Variants in KCNG3 observed in about 807,000 individuals in gnomAD.
KCNG3 encodes the protein potassium voltage-gated channel modifier subfamily G member 3.
In KCNG3, 15 loss-of-function variants were observed where a neutral mutation model predicts 29.0. That is an observed-to-expected ratio of 0.52 (90% CI 0.35 to 0.80). The LOEUF (loss-of-function observed/expected upper bound fraction) is 0.80. Among genes scored for constraint, KCNG3 ranks in the 30% least tolerant of loss-of-function variants. The pLI is 0.01. For missense variants in KCNG3, 512 were observed against 605.7 expected (o/e 0.85, Z 1.62); for synonymous variants, 322 against 248.9 (o/e 1.29, Z -2.76).
the KCNG3 span, among the ~76,000 whole-genome samples, chr2:42,391,632 TC>T: frequency 7.7e-6 from 1 of 129,282 alleles, no homozygotes; most frequent in East Asian, 2.4e-4. Context: ...AGACGGAGTC[TC>T]GCTCTGTCGC....
chr2:42,485,491 C>T (rs1340262888), intron 1 of KCNG3, among the ~76,000 whole-genome samples: 1 of 151,778 alleles, frequency 6.6e-6, no homozygotes, highest in Non-Finnish European at 1.5e-5. Context: ...GTCACCCAGG[C>T]TGGAGTGCAG....
In KCNG3 at chr2:42,493,185, G is replaced by A; in HGVS notation, c.317C>T (p.Ala106Val). 2 of 1,609,492 alleles carry A rather than the reference G, an allele frequency of 1.2e-6. No homozygotes were observed. The highest frequency in any genetic ancestry group is 2.2e-5 in the East Asian group (1 of 44,830). The stretch of plus-strand genomic sequence containing the variant: ...GCGCTGGCAGCAGTACTCGAGGTGC[G>A]CGCCCTCCAGGCCCCAGTAGATCAT... The part of the protein sequence containing the change: ...NEMIYWGLEG[A>V]HLEYCCQRRL... Residue 106 changes from alanine to valine, a missense_variant, in exon 1 of 2, where the codon GCG becomes GTG. Physicochemically the swap from Ala to Val is moderately conservative, Grantham distance 64. Around this residue, in one of 5 missense-constraint regions of KCNG3, gnomAD observed 228 missense variants for 200.0 expected, o/e 1.14. Coordinates refer to ENST00000306078, the MANE Select transcript of KCNG3 (RefSeq NM_133329.6).
chr2:42,431,732 T>C, the KCNG3 span, among the ~76,000 whole-genome samples: 1,634 of 152,260 alleles, frequency 0.011, 41 homozygotes, highest in African/African-American at 0.037. Context: ...TGATGATGAA[T>C]TACATTAAAA....
At chr2:42,455,330 G>A (rs1431432464) in intron 1 of KCNG3, among the ~76,000 whole-genome samples, 1 of 152,152 alleles carries the variant, frequency 6.6e-6, no homozygotes, top group Non-Finnish European at 1.5e-5. Context: ...AAACAGTACT[G>A]ACTTTGACAT....
intron 1 of KCNG3, among the ~76,000 whole-genome samples, chr2:42,485,144 A>G (rs1673687987): frequency 6.6e-6 from 1 of 152,226 alleles, no homozygotes; most frequent in African/African-American, 2.4e-5. Flanking sequence ...GGATTAAAAT[A>G]ACACAAGAAA....
intron 1 of KCNG3, among the ~76,000 whole-genome samples, chr2:42,459,675 C>A (rs904523225): frequency 6.6e-6 from 1 of 152,080 alleles, no homozygotes. Context: ...AACTTAAGCA[C>A]AGTTATGTAA....
Position 42,444,095 on chromosome 2 carries a change from C to T in KCNG3, c.1150G>A (p.Val384Met), listed in dbSNP as rs1191866069. 5 of 1,614,036 alleles carry T rather than the reference C, an allele frequency of 3.1e-6. No individual in the cohort carries two copies. Among genetic ancestry groups the T allele is most frequent in the Non-Finnish European group, 4.2e-6 (5 of 1,180,036 alleles). The change falls in exon 2 of 2, where the codon GTG (valine) becomes ATG (methionine). Residue 384 changes from valine (V) to methionine (M), a missense_variant. Val to Met is a conservative substitution (Grantham distance 21). This residue lies in a region of KCNG3 where 173 missense variants were observed against 262.4 expected (regional missense o/e 0.66). Transcript: ENST00000306078. The surrounding 1 kb of genome is among the most constrained non-coding windows in gnomAD (Gnocchi z 5.8). ...VGYGDMYPIT[V>M]PGRILGGVCV... Reference sequence around the variant, plus strand: ...ACTCCTCCAAGAATTCTTCCAGGCACTGTGATAGGATACATATCTCCATAG... The same window carrying T: ...ACTCCTCCAAGAATTCTTCCAGGCATTGTGATAGGATACATATCTCCATAG...
chr2:42,443,331 A>C lies in KCNG3; in HGVS notation c.*603T>G, dbSNP rs1272849310. ...TTCCATGAAGCGGCACGATAAGGTG[A>C]ATAATTGGCACAAAAATAAAGCAAA... On this transcript the variant is annotated 3_prime_UTR_variant, in exon 2 of 2. Coordinates refer to ENST00000306078, the MANE Select transcript of KCNG3 (RefSeq NM_133329.6). 1.3e-5 allele frequency: 2 copies of C among 152,678 alleles called. No individual in the cohort carries two copies. The highest frequency in any genetic ancestry group is 4.8e-5 in the African/African-American group (2 of 41,464). 9.5% of individuals were successfully genotyped at this position (152,678 alleles called of 1,614,324 possible).
chr2:42,426,500 C>T, the KCNG3 span, among the ~76,000 whole-genome samples: 1 of 152,094 alleles, frequency 6.6e-6, no homozygotes, highest in South Asian at 2.1e-4. Context: ...TATGTATATA[C>T]AGTGAAAATA....
chr2:42,399,550 A>G, the KCNG3 span, among the ~76,000 whole-genome samples: 1 of 152,154 alleles, frequency 6.6e-6, no homozygotes, highest in African/African-American at 2.4e-5. Context: ...TTATTTATTT[A>G]GCCTTTTGAC....
At chr2:42,411,048 C>T in the KCNG3 span, among the ~76,000 whole-genome samples, 3 of 152,110 alleles carry the variant, frequency 2.0e-5, no homozygotes. Flanking sequence ...AGTAGTCTAT[C>T]CTTTATTCAC....
intron 1 of KCNG3, among the ~76,000 whole-genome samples, chr2:42,446,681 T>C (rs77551290): frequency 0.011 from 1,629 of 152,244 alleles, 24 homozygotes; most frequent in African/African-American, 0.037. Flanking sequence ...AGAACACAAG[T>C]GGTACTTGAT....
intron 1 of KCNG3, among the ~76,000 whole-genome samples, chr2:42,488,981 G>A (rs1673804685): frequency 6.6e-6 from 1 of 152,002 alleles, no homozygotes; most frequent in African/African-American, 2.4e-5. Context: ...TGACAACTCT[G>A]GCAAGTACTA....
chr2:42,432,745 A>AAT, the KCNG3 span, among the ~76,000 whole-genome samples: 11 of 152,296 alleles, frequency 7.2e-5, no homozygotes, highest in Admixed American at 7.2e-4. Context: ...GAAACCATTA[A>AAT]ATATATACCA....
intron 1 of KCNG3, among the ~76,000 whole-genome samples, chr2:42,482,413 A>G (rs1024344443): frequency 4.6e-5 from 7 of 152,196 alleles, no homozygotes; most frequent in African/African-American, 1.7e-4. Context: ...CTCTGTCTCT[A>G]CAAAAAATTT....
intron 1 of KCNG3, among the ~76,000 whole-genome samples, chr2:42,465,959 A>G (rs531351228): frequency 1.3e-5 from 2 of 152,354 alleles, no homozygotes; most frequent in South Asian, 2.1e-4. Flanking sequence ...TGTAAAACCA[A>G]TAACACCAAG....
Position 42,467,049 on chromosome 2 carries a change from G to A in KCNG3, c.666-22470C>T, listed in dbSNP as rs555228045. Among the ~76,000 whole-genome samples the A allele has an allele frequency of 5.3e-4, 81 of 151,838 alleles. 1 individual carries two copies. In the South Asian group the frequency reaches 0.015, roughly 28 times the overall value. On this transcript the variant is annotated intron_variant, in intron 1 of 1. Coordinates refer to ENST00000306078, the MANE Select transcript of KCNG3 (RefSeq NM_133329.6). ...ATTATAGGCAGGAGCCACTGCGCCC[G>A]GCCAAAAACAGATCTTTTATAAAAA...
chr2:42,444,567 A>C lies in KCNG3; in HGVS notation c.678T>G (p.Ala226=). The C allele has an allele frequency of 1.2e-6, 2 of 1,606,664 alleles. No individual in the cohort carries two copies. The highest frequency in any genetic ancestry group is 1.7e-6 in the Non-Finnish European group (2 of 1,176,316). Residue 226 remains alanine (A), a synonymous_variant, in exon 2 of 2, where the codon GCT becomes GCG. Coordinates refer to ENST00000306078, the MANE Select transcript of KCNG3 (RefSeq NM_133329.6). The surrounding 1 kb of genome is among the most constrained non-coding windows in gnomAD (Gnocchi z 5.8). ...PGREPSGIIE[A]ICIGWFTAEC... ...CGGCAGTGAACCAACCTATGCAGAT[A>C]GCTTCAATTATCCTGTCAAGAGAAC...
intron 1 of KCNG3, among the ~76,000 whole-genome samples, chr2:42,453,735 T>C (rs1476232550): frequency 6.6e-6 from 1 of 152,208 alleles, no homozygotes; most frequent in African/African-American, 2.4e-5. Context: ...TGTTCATTTT[T>C]GCTTTGGTTG....
Sources: gnomAD v4.1 joint callset for allele counts (sites outside exome capture counted in the v4.1 genomes callset) on GRCh38, gnomAD v4.1.1 for gene constraint, gnomAD v4.1.1 regional missense constraint, Gnocchi (gnomAD v3.1) non-coding constraint, MANE v1.5 for transcripts, NCBI Gene and HGNC (gene_info 2026-07-23, HGNC 2026-07-21) for gene names.